The following HS6ST2 variants were observed in gnomAD, a reference collection of about 807,000 sequenced individuals.
HS6ST2 encodes the protein heparan sulfate 6-O-sulfotransferase 2.
In HS6ST2, 17 loss-of-function variants were observed where a neutral mutation model predicts 33.0. That is an observed-to-expected ratio of 0.52 (90% confidence interval 0.35 to 0.77). The LOEUF is 0.77. Among genes scored for constraint, HS6ST2 ranks in the 30% least tolerant of loss-of-function variants. HS6ST2 has a pLI of 0.01. For missense variants in HS6ST2, 519 were observed against 551.7 expected (o/e 0.94, Z 0.59); for synonymous variants, 248 against 237.1 (o/e 1.05, Z -0.42).
chrX:132,678,140 G>A (rs747496943), intron 3 of HS6ST2, among the ~76,000 whole-genome samples: 2 of 111,747 alleles, frequency 1.8e-5, no homozygotes, highest in African/African-American at 6.5e-5. Context: ...GATTGTTTGC[G>A]CTCAGGAGTC....
chrX:132,913,877 G>A (rs1388147524), intron 2 of HS6ST2, among the ~76,000 whole-genome samples: 2 of 111,599 alleles, frequency 1.8e-5, no homozygotes, highest in Admixed American at 9.5e-5. Flanking sequence ...CCTGATTTGG[G>A]ATTGGGGAAT....
rs767196113 is a variant in HS6ST2, at chrX:132,958,271, C to A, written c.332G>T (p.Cys111Phe). Residue 111 changes from cysteine (C) to phenylalanine (F), a missense_variant, in exon 1 of 5, where the codon TGC (cysteine) becomes TTC (phenylalanine). Coordinates refer to ENST00000370833, the MANE Select transcript of HS6ST2 (RefSeq NM_001394073.1). The part of the protein sequence containing the change: ...LRRRWDLGSL[C>F]RALLTRGLAA... ...CAGGCCCCGAGTGAGCAGGGCCCGG[C>A]AGAGGGAGCCCAGGTCCCAGCGTCG... is the stretch of plus-strand genomic sequence containing the variant. 1 of 1,190,382 alleles carries A rather than the reference C, an allele frequency of 8.4e-7. No homozygotes were observed. The highest frequency in any genetic ancestry group is 1.8e-5 in the South Asian group (1 of 55,522).
At chrX:132,674,989 G>A (rs1170132516) in intron 3 of HS6ST2, among the ~76,000 whole-genome samples, 1 of 111,532 alleles carries the variant, frequency 9.0e-6, no homozygotes, top group Non-Finnish European at 1.9e-5. Context: ...CAGAACTTGG[G>A]GATTGACTAT....
At chrX:132,629,511 T>A (rs764759589) in intron 4 of HS6ST2, among the ~76,000 whole-genome samples, 1 of 112,315 alleles carries the variant, frequency 8.9e-6, no homozygotes, top group South Asian at 3.7e-4. Flanking sequence ...AAATGGAGAC[T>A]CATTGGAAGC....
rs1276015475 is a variant in HS6ST2 at position 132,831,825 on chromosome X, T to C, written c.948-123331A>G. On this transcript the variant is annotated intron_variant, in intron 2 of 4. Transcript: ENST00000370833. ...GGACACCAAAGTAGAACAAGGCAGC[T>C]GTTTCTTGCCTTTCAGTATAAAAAG... 2.7e-5 allele frequency among the ~76,000 whole-genome samples: 3 copies of C among 112,243 alleles called. No homozygotes were observed. In the Admixed American group the frequency reaches 2.8e-4, roughly 11 times the overall value.
Position 132,725,768 on chromosome X carries a change from C to T in HS6ST2, c.948-17274G>A, listed in dbSNP as rs761614884. On this transcript the variant is annotated intron_variant, in intron 2 of 4. Coordinates refer to ENST00000370833, the MANE Select transcript of HS6ST2 (RefSeq NM_001394073.1). Reference sequence around the variant, plus strand: ...AAAATCTGGAAGCAACCTAAGGTGTCCATCAACAGATGGATGGATAAAGAA... The same window carrying T: ...AAAATCTGGAAGCAACCTAAGGTGTTCATCAACAGATGGATGGATAAAGAA... Among the ~76,000 whole-genome samples, 224 of 111,875 alleles carry T rather than the reference C, an allele frequency of 2.0e-3. 2 individuals carry two copies. Among genetic ancestry groups the T allele is most frequent in the African/African-American group, 6.7e-3 (206 of 30,795 alleles).
At chrX:132,697,713 T>C (rs2064113208) in intron 3 of HS6ST2, among the ~76,000 whole-genome samples, 2 of 111,839 alleles carry the variant, frequency 1.8e-5, no homozygotes, top group Non-Finnish European at 3.8e-5. Context: ...ACCAAGTATC[T>C]ACGTTTATAC....
intron 3 of HS6ST2, among the ~76,000 whole-genome samples, chrX:132,704,918 G>C (rs952722589): frequency 4.5e-5 from 5 of 112,031 alleles, no homozygotes; most frequent in Non-Finnish European, 9.4e-5. Context: ...ACAAAAGCCA[G>C]ACTACGCTTT....
At chrX:132,833,339 T>A (rs1250369146) in intron 2 of HS6ST2, among the ~76,000 whole-genome samples, 1 of 111,532 alleles carries the variant, frequency 9.0e-6, no homozygotes, top group East Asian at 2.8e-4. Flanking sequence ...CCAGCCCTCC[T>A]GCCAGCCTGT....
intron 2 of HS6ST2, among the ~76,000 whole-genome samples, chrX:132,720,292 C>T (rs2064316843): frequency 8.9e-6 from 1 of 111,777 alleles, no homozygotes; most frequent in African/African-American, 3.2e-5. Flanking sequence ...CCCATATATC[C>T]TACAGGCAGT....
At chrX:132,820,256 C>G (rs1229856507) in intron 2 of HS6ST2, among the ~76,000 whole-genome samples, 1 of 110,840 alleles carries the variant, frequency 9.0e-6, no homozygotes, top group East Asian at 2.8e-4. Context: ...AATGCAAAGG[C>G]CCCCTGCTTC....
intron 2 of HS6ST2, among the ~76,000 whole-genome samples, chrX:132,887,108 T>G (rs1301663126): frequency 9.1e-6 from 1 of 110,111 alleles, no homozygotes; most frequent in African/African-American, 3.3e-5. Flanking sequence ...CACTCCAGCC[T>G]TGGTGACAGA....
At chrX:132,689,493 G>C (rs2064043893) in intron 3 of HS6ST2, among the ~76,000 whole-genome samples, 1 of 111,383 alleles carries the variant, frequency 9.0e-6, no homozygotes, top group Non-Finnish European at 1.9e-5. Flanking sequence ...TTGTTACAAA[G>C]AGCAAATGAA....
At chrX:132,763,395 G>C (rs2064819647) in intron 2 of HS6ST2, among the ~76,000 whole-genome samples, 1 of 112,588 alleles carries the variant, frequency 8.9e-6, no homozygotes, top group African/African-American at 3.2e-5. Context: ...TTCCCAGAGA[G>C]AGGGAAACAT....
intron 2 of HS6ST2, among the ~76,000 whole-genome samples, chrX:132,856,406 C>T (rs952651884): frequency 3.6e-5 from 4 of 111,857 alleles, no homozygotes; most frequent in South Asian, 3.8e-4. Context: ...AGGCATCCGC[C>T]GGGGGTCTTG....
At chrX:132,871,456 T>C (rs917014500) in intron 2 of HS6ST2, among the ~76,000 whole-genome samples, 2 of 111,981 alleles carry the variant, frequency 1.8e-5, no homozygotes, top group Non-Finnish European at 3.8e-5. Flanking sequence ...TAATAAATCA[T>C]TCTACTATAA....
chrX:132,790,911 G>A (rs979538941), intron 2 of HS6ST2, among the ~76,000 whole-genome samples: 3 of 111,675 alleles, frequency 2.7e-5, no homozygotes, highest in African/African-American at 6.5e-5. Flanking sequence ...GGAAGCCGGG[G>A]TGGGAAAATG....
rs150791087 is a variant in HS6ST2, at chrX:132,667,067, A to G, written c.1067+2046T>C. ...TAGGCACTGTTCTATAAAGTGTGAAAAATGCCCTTCATAGTCTCACCATAT... is the reference window on the plus strand; with the variant it reads ...TAGGCACTGTTCTATAAAGTGTGAAGAATGCCCTTCATAGTCTCACCATAT... On this transcript the variant is annotated intron_variant, in intron 4 of 4. Transcript: ENST00000370833. Among the ~76,000 whole-genome samples the G allele has an allele frequency of 1.4e-4, 16 of 111,533 alleles. No individual in the cohort carries two copies. In the East Asian group the frequency reaches 4.5e-3, roughly 32 times the overall value.
intron 2 of HS6ST2, among the ~76,000 whole-genome samples, chrX:132,814,412 C>T (rs893944470): frequency 8.9e-6 from 1 of 111,895 alleles, no homozygotes; most frequent in Non-Finnish European, 1.9e-5. Context: ...TTTATATCAC[C>T]TGTCTACACT....
Sources: gnomAD v4.1 joint callset for allele counts (sites outside exome capture counted in the v4.1 genomes callset) on GRCh38, gnomAD v4.1.1 for gene constraint, MANE v1.5 for transcripts, NCBI Gene and HGNC (gene_info 2026-07-23, HGNC 2026-07-21) for gene names.